PHGDH: variants seen among roughly 807,000 people sequenced by gnomAD.
PHGDH encodes D-3-phosphoglycerate dehydrogenase.
Under a neutral mutation model 52.6 loss-of-function variants are expected in PHGDH, and 50 were observed. The ratio of observed to expected loss-of-function variants is 0.95; its 90% CI spans 0.76 to 1.20. The LOEUF (loss-of-function observed/expected upper bound fraction) is 1.20. Ranked by LOEUF, PHGDH falls within the 50% of genes most tolerant of loss-of-function variation. The probability of loss-of-function intolerance (pLI) is 0.00; values close to 1 mark genes in which losing one functional copy is unlikely to be tolerated. For missense variants in PHGDH, 630 were observed against 684.6 expected (o/e 0.92, Z 0.89); for synonymous variants, 271 against 280.5 (o/e 0.97, Z 0.34).
rs772333531 is a variant in PHGDH at position 119,737,215 on chromosome 1, A to C, written c.894A>C (p.Glu298Asp). 2.0e-5 allele frequency: 33 copies of C among 1,613,976 alleles called. No homozygotes were observed. The highest frequency in any genetic ancestry group is 2.8e-5 in the Non-Finnish European group (33 of 1,179,984). ...TKEAQSRCGEEIAVQFVDMVK... is the reference protein window; with the variant it reads ...TKEAQSRCGEDIAVQFVDMVK... The stretch of plus-strand genomic sequence containing the variant: ...AGGCTCAGAGCCGCTGTGGGGAGGA[A>C]ATTGCTGTTCAGTTCGTGGACATGG... Residue 298 changes from glutamate (E) to aspartate (D), a missense_variant, in exon 8 of 12, where the codon GAA becomes GAC. Coordinates refer to ENST00000641023, the MANE Select transcript of PHGDH (RefSeq NM_006623.4).
intron 2 of PHGDH, among the ~76,000 whole-genome samples, chr1:119,722,416 A>G (rs1469923083): frequency 6.6e-6 from 1 of 152,200 alleles, no homozygotes. Context: ...CAAAAACCTA[A>G]AAAGCATTTA....
At chr1:119,723,312 T>C in intron 2 of PHGDH, 64 bp from the exon 3 acceptor site, 1 of 1,284,584 alleles carries the variant, frequency 7.8e-7, no homozygotes, top group Non-Finnish European at 1.1e-6. Flanking sequence ...AGGCTTTCTC[T>C]TGGGGAAGGA....
intron 8 of PHGDH, 57 bp downstream of exon 8, chr1:119,737,323 G>A: frequency 1.3e-6 from 2 of 1,485,512 alleles, no homozygotes; most frequent in South Asian, 1.2e-5. Context: ...GAGGAAGGAA[G>A]GCATCTTGTA....
At chr1:119,742,469 C>T (rs937897883) in intron 10 of PHGDH, 11 of 481,442 alleles carry the variant, frequency 2.3e-5, no homozygotes, top group South Asian at 4.2e-5. Context: ...CCACTGATGC[C>T]GTGCAGGAGG....
intron 2 of PHGDH, 22 bp downstream of exon 2, chr1:119,721,343 C>G (rs370257479): frequency 6.2e-7 from 1 of 1,609,934 alleles, no homozygotes; most frequent in Non-Finnish European, 8.5e-7. Context: ...AGGCTGCGGG[C>G]GGTTTGGGGG....
rs1235935123 is a variant in PHGDH at position 119,712,118 on chromosome 1, A to G, written c.96A>G (p.Glu32=). ...AAGATGGAGGGCTGCAGGTGGTGGA[A>G]AAGCAGAACCTTAGCAAAGAGGAGC... ...ILQDGGLQVV[E]KQNLSKEELI... is the part of the protein sequence containing the mutation. Residue 32 remains glutamate, a synonymous_variant, in exon 1 of 12, where the codon GAA becomes GAG. Transcript: ENST00000641023. 6.2e-7 allele frequency: 1 copy of G among 1,614,134 alleles called. No homozygotes were observed. Among genetic ancestry groups the G allele is most frequent in the African/African-American group, 1.3e-5 (1 of 75,046 alleles).
intron 1 of PHGDH, among the ~76,000 whole-genome samples, chr1:119,715,456 T>C (rs145095988): frequency 6.6e-6 from 1 of 152,202 alleles, no homozygotes; most frequent in Non-Finnish European, 1.5e-5. Context: ...TTAATCAGGA[T>C]CACACATCTT....
chr1:119,731,362 G>C lies in PHGDH; in HGVS notation c.511-3272G>C, dbSNP rs114372511. The stretch of plus-strand genomic sequence containing the variant: ...GACCTCAGAGACTCAGCTCATTCAT[G>C]CTGGTGTGTTCCTTAGAATGTGTTA... On this transcript the variant is annotated intron_variant, in intron 5 of 11. Transcript: ENST00000641023. Among the ~76,000 whole-genome samples the C allele has an allele frequency of 4.4e-3, 669 of 152,300 alleles. 7 individuals carry two copies. Among genetic ancestry groups the C allele is most frequent in the Non-Finnish European group, 7.2e-3 (487 of 68,016 alleles).
chr1:119,724,621 C>T (rs1483464467), intron 3 of PHGDH, among the ~76,000 whole-genome samples: 1 of 151,778 alleles, frequency 6.6e-6, no homozygotes, highest in Non-Finnish European at 1.5e-5. Flanking sequence ...GTACAGAAGC[C>T]TGGCACCCTG....
chr1:119,717,480 G>A (rs901717827), intron 1 of PHGDH, among the ~76,000 whole-genome samples: 1 of 151,988 alleles, frequency 6.6e-6, no homozygotes, highest in Non-Finnish European at 1.5e-5. Flanking sequence ...TTCCCAATCC[G>A]AGTCATAAAA....
intron 5 of PHGDH, among the ~76,000 whole-genome samples, chr1:119,733,325 T>C (rs188244563): frequency 2.6e-5 from 4 of 151,650 alleles, no homozygotes; most frequent in African/African-American, 9.7e-5. Flanking sequence ...TCCTATTACG[T>C]TCTTTTTTAT....
chr1:119,743,817 T>A (rs2101228530), intron 11 of PHGDH, 69 bp from the exon 12 acceptor site: 1 of 1,206,602 alleles, frequency 8.3e-7, no homozygotes, highest in African/African-American at 1.5e-5. Flanking sequence ...AACTTCTGAT[T>A]CTGCTCCCAA....
At chr1:119,741,650 T>TG in intron 9 of PHGDH, 117 bp from the exon 10 acceptor site, 1 of 928,136 alleles carries the variant, frequency 1.1e-6, no homozygotes, top group Non-Finnish European at 1.8e-6. Context: ...AAGCTGCCTT[T>TG]GGGGTCCCCA....
At chr1:119,726,757 C>A in intron 3 of PHGDH, 94 bp from the exon 4 acceptor site, 1 of 977,614 alleles carries the variant, frequency 1.0e-6, no homozygotes, top group Non-Finnish European at 1.7e-6. Flanking sequence ...AAGTGGCTGT[C>A]ATGGGCAGTG....
intron 10 of PHGDH, 73 bp downstream of exon 10, chr1:119,741,970 C>T (rs980046348): frequency 2.7e-5 from 37 of 1,359,260 alleles, no homozygotes; most frequent in Admixed American, 1.9e-4. Flanking sequence ...TTCCAGAGCC[C>T]GTTCTCTGAG....
At chr1:119,727,362 A>G in intron 5 of PHGDH, 1 of 540,658 alleles carries the variant, frequency 1.8e-6, no homozygotes, top group Non-Finnish European at 3.3e-6. Context: ...CCAGGTGTTG[A>G]TGGCTCTTTT....
intron 1 of PHGDH, among the ~76,000 whole-genome samples, chr1:119,714,827 G>A (rs958215101): frequency 1.3e-5 from 2 of 152,164 alleles, no homozygotes; most frequent in African/African-American, 4.8e-5. Flanking sequence ...TCTAGTGGGA[G>A]GATCGCTTGA....
At chr1:119,712,490 G>A (rs1454213054) in intron 1 of PHGDH, 2 of 373,150 alleles carry the variant, frequency 5.4e-6, no homozygotes, top group Non-Finnish European at 1.0e-5. Flanking sequence ...GCGCCCCAGC[G>A]CCTTAGCGCG....
At chr1:119,743,351 C>T (rs975901869) in intron 11 of PHGDH, among the ~76,000 whole-genome samples, 2 of 152,218 alleles carry the variant, frequency 1.3e-5, no homozygotes, top group Non-Finnish European at 2.9e-5. Flanking sequence ...GCTTGTGGAG[C>T]CATAGCCCAG....
Sources: gnomAD v4.1 joint callset for allele counts (sites outside exome capture counted in the v4.1 genomes callset) on GRCh38, gnomAD v4.1.1 for gene constraint, MANE v1.5 for transcripts, NCBI Gene and HGNC (gene_info 2026-07-23, HGNC 2026-07-21) for gene names.